Variants in KLF8 observed in about 807,000 individuals in gnomAD.
The protein encoded by KLF8 is Krueppel-like factor 8.
Under a neutral mutation model 18.2 loss-of-function variants are expected in KLF8, and 10 were observed. That is an observed-to-expected ratio of 0.55 (90% CI 0.34 to 0.93). The LOEUF is 0.93. KLF8 is among the 40% of genes least tolerant of loss of function. The probability of loss-of-function intolerance (pLI) is 0.02; values close to 1 mark genes in which losing one functional copy is unlikely to be tolerated. For synonymous variants in KLF8, 109 were observed against 97.3 expected, an observed-to-expected ratio of 1.12 and a Z score of -0.71; for missense variants, 264 against 277.9, an observed-to-expected ratio of 0.95 and a Z score of 0.36.
At chrX:55,948,642 C>T in the KLF8 span, among the ~76,000 whole-genome samples, 4 of 110,674 alleles carry the variant, frequency 3.6e-5, no homozygotes, top group African/African-American at 1.3e-4. Flanking sequence ...TCTGTTCTAC[C>T]CCATAGCATT....
chrX:56,012,569 C>G, the KLF8 span, among the ~76,000 whole-genome samples: 1 of 111,481 alleles, frequency 9.0e-6, no homozygotes, highest in Admixed American at 9.5e-5. Context: ...CACTTTTATT[C>G]AATGTAGTAT....
chrX:56,048,651 C>T, the KLF8 span, among the ~76,000 whole-genome samples: 3,374 of 111,553 alleles, frequency 0.03, 124 homozygotes, highest in African/African-American at 0.096. Flanking sequence ...ACCAGTACCA[C>T]GCTGTTTTGG....
At chrX:55,941,690 G>T in the KLF8 span, among the ~76,000 whole-genome samples, 3 of 110,973 alleles carry the variant, frequency 2.7e-5, no homozygotes, top group Admixed American at 9.6e-5. Flanking sequence ...AACAACCCCA[G>T]CAAAAAGTGG....
At chrX:56,000,180 A>G in the KLF8 span, among the ~76,000 whole-genome samples, 1 of 110,983 alleles carries the variant, frequency 9.0e-6, no homozygotes, top group Non-Finnish European at 1.9e-5. Context: ...CCCTGCATCT[A>G]TAGCATGAAA....
At chrX:56,157,022 G>A in the KLF8 span, among the ~76,000 whole-genome samples, 11 of 107,454 alleles carry the variant, frequency 1.0e-4, no homozygotes, top group Non-Finnish European at 1.9e-4. Flanking sequence ...AAGAAAATGT[G>A]GCACATATAC....
the KLF8 span, among the ~76,000 whole-genome samples, chrX:56,170,139 T>A: frequency 9.0e-6 from 1 of 110,941 alleles, no homozygotes; most frequent in Non-Finnish European, 1.9e-5. Context: ...GGACTTGGGG[T>A]GCCCACTAAT....
chrX:56,222,656 C>T, the KLF8 span, among the ~76,000 whole-genome samples: 2 of 112,764 alleles, frequency 1.8e-5, no homozygotes, highest in African/African-American at 3.2e-5. Flanking sequence ...GAGCAGGGGG[C>T]GGCGCTCGTT....
At chrX:56,035,835 T>G in the KLF8 span, among the ~76,000 whole-genome samples, 1 of 112,047 alleles carries the variant, frequency 8.9e-6, no homozygotes, top group Non-Finnish European at 1.9e-5. Context: ...TTTTTTGCTG[T>G]TGAGATGTTT....
chrX:55,964,158 A>G, the KLF8 span, among the ~76,000 whole-genome samples: 5 of 111,934 alleles, frequency 4.5e-5, no homozygotes, highest in Non-Finnish European at 7.5e-5. Context: ...AAACACCCAC[A>G]TCGAGAACTT....
intron 2 of KLF8, among the ~76,000 whole-genome samples, chrX:56,251,319 TA>T (rs1008375864): frequency 2.7e-5 from 3 of 112,417 alleles, no homozygotes; most frequent in African/African-American, 9.7e-5. Flanking sequence ...AAATCACCTA[TA>T]GACTTGAGTA....
chrX:56,046,307 C>CT, the KLF8 span, among the ~76,000 whole-genome samples: 2 of 111,253 alleles, frequency 1.8e-5, no homozygotes, highest in East Asian at 2.8e-4. Context: ...CTGCAGTTTT[C>CT]TTTTTTTGTT....
chrX:55,989,537 A>T, the KLF8 span, among the ~76,000 whole-genome samples: 1,073 of 112,487 alleles, frequency 9.5e-3, 11 homozygotes, highest in African/African-American at 0.033. Flanking sequence ...CCAGCCTTGC[A>T]TCCCAGGGAT....
chrX:55,919,821 G>C, the KLF8 span, among the ~76,000 whole-genome samples: 1 of 111,464 alleles, frequency 9.0e-6, no homozygotes, highest in Non-Finnish European at 1.9e-5. Context: ...AATATTTTGG[G>C]AGCTCTGTGG....
Position 56,257,103 on chromosome X carries a change from T to C in KLF8, c.81+6799T>C, listed in dbSNP as rs779323112. Among the ~76,000 whole-genome samples the C allele has an allele frequency of 2.7e-5, 3 of 111,998 alleles. 1 individual carries two copies. In the East Asian group the frequency reaches 8.4e-4, roughly 31 times the overall value. The stretch of plus-strand genomic sequence containing the variant: ...TAATACTACTGGTGTATGGTGTTTG[T>C]ATAGTTTCCTAAATTCCTCTTGTTA... On this transcript the variant is annotated intron_variant, in intron 2 of 5. Transcript: ENST00000468660.
intron 3 of KLF8, chrX:56,268,371 A>G (rs2147659697): frequency 9.0e-6 from 1 of 111,396 alleles, no homozygotes; most frequent in East Asian, 2.8e-4. Context: ...GTTTTTGAGG[A>G]ACCTCCATAC....
At chrX:56,046,608 A>AG in the KLF8 span, among the ~76,000 whole-genome samples, 2 of 21,452 alleles carry the variant, frequency 9.3e-5, no homozygotes, top group Admixed American at 6.8e-4. Flanking sequence ...GTTTTTCTGG[A>AG]AAAAAAAAAC....
chrX:55,979,968 G>A, the KLF8 span, among the ~76,000 whole-genome samples: 1 of 111,780 alleles, frequency 8.9e-6, no homozygotes, highest in Non-Finnish European at 1.9e-5. Context: ...AATAGTATAG[G>A]CCACCAGAAA....
the KLF8 span, among the ~76,000 whole-genome samples, chrX:56,180,614 C>T: frequency 3.0e-3 from 336 of 110,308 alleles, no homozygotes; most frequent in African/African-American, 0.01. Flanking sequence ...TATAAATTTA[C>T]CTCTGTGCAC....
the KLF8 span, among the ~76,000 whole-genome samples, chrX:56,104,199 C>T: frequency 3.6e-5 from 4 of 111,301 alleles, no homozygotes; most frequent in Admixed American, 9.6e-5. Context: ...TTCTGCCAGG[C>T]TTTGGTATCA....
Sources: gnomAD v4.1 joint callset for allele counts (sites outside exome capture counted in the v4.1 genomes callset) on GRCh38, gnomAD v4.1.1 for gene constraint, MANE v1.5 for transcripts, NCBI Gene and HGNC (gene_info 2026-07-23, HGNC 2026-07-21) for gene names.